The following DPPA4 variants were observed in gnomAD, a reference collection of about 807,000 sequenced individuals.
The protein encoded by DPPA4 is developmental pluripotency-associated protein 4.
A neutral mutation model predicts 33.7 loss-of-function variants in DPPA4; 22 were observed. That is an observed-to-expected ratio of 0.65 (90% CI 0.47 to 0.93). DPPA4 has a LOEUF of 0.93. DPPA4 is among the 40% of genes least tolerant of loss of function. The pLI, the probability that DPPA4 is intolerant of heterozygous loss-of-function variation, is 0.00. For synonymous variants in DPPA4, 156 were observed against 132.3 expected, an observed-to-expected ratio of 1.18 and a Z score of -1.23; for missense variants, 340 against 358.6, an observed-to-expected ratio of 0.95 and a Z score of 0.42.
At chr3:109,334,030 T>C in intron 1 of DPPA4, 37 bp from the exon 2 acceptor site, 1 of 1,610,926 alleles carries the variant, frequency 6.2e-7, no homozygotes. Flanking sequence ...ATTCCTCTAG[T>C]GTCCAAACCA....
rs199540692 is a variant in DPPA4 at position 109,330,564 on chromosome 3, C to T, written c.639G>A (p.Ala213=). 6 of 1,614,000 alleles carry T rather than the reference C, an allele frequency of 3.7e-6. No individual in the cohort carries two copies. In the East Asian group the frequency reaches 6.7e-5, roughly 18 times the overall value. The change falls in exon 5 of 7, where the codon GCG becomes GCA. Residue 213 remains alanine, a synonymous_variant. Transcript: ENST00000335658. ...LASWARISAR[A]RTPEAVESPQ... Reference sequence around the variant, plus strand: ...GAGATTCCACTGCCTCTGGTGTCCTCGCCCTGGCTGAAATTCTCGCCCAGG... The same window carrying T: ...GAGATTCCACTGCCTCTGGTGTCCTTGCCCTGGCTGAAATTCTCGCCCAGG...
chr3:109,333,724 G>C, intron 2 of DPPA4, 146 bp downstream of exon 2: 1 of 897,956 alleles, frequency 1.1e-6, no homozygotes, highest in Admixed American at 2.3e-5. Flanking sequence ...CTTCAGGAAG[G>C]TAACAGTTTA....
At chr3:109,338,930 G>A (rs1182011352), upstream of DPPA4, among the ~76,000 whole-genome samples, 2 of 152,054 alleles carry the variant, frequency 1.3e-5, no homozygotes, top group Admixed American at 6.6e-5. Flanking sequence ...GGTGGCTCAC[G>A]CCTGTAATCT....
Position 109,330,662 on chromosome 3 carries a change from T to G in DPPA4, c.541A>C (p.Asn181His), listed in dbSNP as rs759666609. Residue 181 changes from asparagine to histidine, a missense_variant, in exon 5 of 7, where the codon AAT becomes CAT. Physicochemically the swap from Asn to His is moderately conservative, Grantham distance 68 (BLOSUM62 1). Around this residue, in one of 3 missense-constraint regions of DPPA4, gnomAD observed 212 missense variants for 206.5 expected, o/e 1.03. Transcript: ENST00000335658. ...ACTCCCTCAAGGAGAGCAGTGGAAT[T>G]TTCCAGGGCAGGCGGCTCCCCCACA... ...PPVGEPPALE[N>H]STALLEGVNT... 7.4e-6 allele frequency: 12 copies of G among 1,614,100 alleles called. No individual in the cohort carries two copies. The highest frequency in any genetic ancestry group is 1.0e-5 in the Non-Finnish European group (12 of 1,180,018).
chr3:109,331,931 C>T lies in DPPA4; in HGVS notation c.279G>A (p.Leu93=). The change falls in exon 3 of 7, where the codon CTG becomes CTA. Residue 93 remains leucine (L), a synonymous_variant. Transcript: ENST00000335658. ...PLPSKLPPVN[L]IHRDILRAWC... ...AGGCCCGCAGAATGTCCCGGTGAATCAGATTAACAGGTGGCAGTTTAGAAG... is the reference window on the plus strand; with the variant it reads ...AGGCCCGCAGAATGTCCCGGTGAATTAGATTAACAGGTGGCAGTTTAGAAG... 6.2e-7 allele frequency: 1 copy of T among 1,614,098 alleles called. No homozygotes were observed. The highest frequency in any genetic ancestry group is 8.5e-7 in the Non-Finnish European group (1 of 1,180,024).
intron 3 of DPPA4, 25 bp from the exon 4 acceptor site, chr3:109,331,809 G>T (rs1157099912): frequency 6.2e-7 from 1 of 1,613,648 alleles, no homozygotes; most frequent in Non-Finnish European, 8.5e-7. Context: ...AACTGAGTTA[G>T]TAAGGCAAAT....
chr3:109,329,139 C>CTGATG, intron 5 of DPPA4, 51 bp from the exon 6 acceptor site: 1 of 1,544,422 alleles, frequency 6.5e-7, no homozygotes, highest in Non-Finnish European at 8.9e-7. Context: ...GGATGACATA[C>CTGATG]TGATGTAAGA....
In DPPA4 at chr3:109,329,081, C is replaced by T. The variant is rs1163439; in HGVS notation, c.687G>A (p.Arg229=). ...GACTTTTCCCATGGACCACACACCA[C>T]CTGACACCTGGCAATGGCAAAGGAA... The part of the protein sequence containing the change: ...VESPQEASGV[R]WCVVHGKSLP... Residue 229 remains arginine (R), a synonymous_variant, in exon 6 of 7, where the codon AGG becomes AGA. Transcript: ENST00000335658. The T allele has an allele frequency of 0.072, 115,606 of 1,613,426 alleles. 6,617 individuals are homozygous for T. Among genetic ancestry groups the T allele is most frequent in the African/African-American group, 0.2 (14,986 of 74,834 alleles).
chr3:109,339,517 A>C (rs952112809), upstream of DPPA4, among the ~76,000 whole-genome samples: 1 of 151,984 alleles, frequency 6.6e-6, no homozygotes, highest in African/African-American at 2.4e-5. Context: ...TAATCCCAGC[A>C]CTTTGGGAGG....
intron 1 of DPPA4, among the ~76,000 whole-genome samples, chr3:109,337,112 C>T (rs1273665660): frequency 6.6e-6 from 1 of 151,806 alleles, no homozygotes; most frequent in African/African-American, 2.4e-5. Context: ...TTTGGTCAGG[C>T]TGGTCTCGAA....
At chr3:109,338,021 C>G (rs1005017231), upstream of DPPA4, among the ~76,000 whole-genome samples, 3 of 152,200 alleles carry the variant, frequency 2.0e-5, no homozygotes, top group Non-Finnish European at 4.4e-5. Context: ...TTTCTCTGTA[C>G]TAATACCGAG....
chr3:109,330,422 C>T (rs746593853), intron 5 of DPPA4, 102 bp downstream of exon 5: 10 of 1,334,646 alleles, frequency 7.5e-6, no homozygotes, highest in African/African-American at 1.4e-5. Context: ...GAATCACCGG[C>T]CCTCAAAGGG....
intron 4 of DPPA4, among the ~76,000 whole-genome samples, 170 bp downstream of exon 4, chr3:109,331,564 A>AGAAAG (rs1553697018): frequency 1.9e-5 from 2 of 106,104 alleles, no homozygotes; most frequent in African/African-American, 6.3e-5. Flanking sequence ...AAAAAAAAAA[A>AGAAAG]AAAGAAAGAA....
intron 5 of DPPA4, chr3:109,330,239 T>G (rs1576834738): frequency 2.9e-5 from 10 of 350,150 alleles, no homozygotes; most frequent in Non-Finnish European, 2.6e-5. Flanking sequence ...GAGGTGGAGG[T>G]TGCGGTGAGC....
At chr3:109,337,200 T>C (rs1304304956) in intron 1 of DPPA4, among the ~76,000 whole-genome samples, 3 of 147,340 alleles carry the variant, frequency 2.0e-5, no homozygotes, top group Non-Finnish European at 4.5e-5. Flanking sequence ...GCGCCCGGCC[T>C]CTTTTTTTTT....
At chr3:109,330,049 C>G in intron 5 of DPPA4, 1 of 193,722 alleles carries the variant, frequency 5.2e-6, no homozygotes, top group South Asian at 9.3e-5. Context: ...CGCCTGTAAT[C>G]CCAGCACTTT....
At chr3:109,334,225 A>G (rs1459979049) in intron 1 of DPPA4, among the ~76,000 whole-genome samples, 1 of 152,214 alleles carries the variant, frequency 6.6e-6, no homozygotes, top group Admixed American at 6.5e-5. Flanking sequence ...AGACAGATAC[A>G]AACAAGAGTA....
chr3:109,329,087 A>T lies in DPPA4; in HGVS notation c.681T>A (p.Gly227=). The T allele has an allele frequency of 6.2e-7, 1 of 1,613,940 alleles. No homozygotes were observed. The highest frequency in any genetic ancestry group is 8.5e-7 in the Non-Finnish European group (1 of 1,179,960). ...EAVESPQEAS[G]VRWCVVHGKS... ...TCCCATGGACCACACACCACCTGAC[A>T]CCTGGCAATGGCAAAGGAAAGAGAC... is the stretch of plus-strand genomic sequence containing the variant. Residue 227 remains glycine, a splice_region_variant and synonymous_variant, in exon 6 of 7, where the codon GGT becomes GGA. Transcript: ENST00000335658.
chr3:109,329,321 G>C (rs1427985358), intron 5 of DPPA4: 24 of 471,970 alleles, frequency 5.1e-5, no homozygotes, highest in Non-Finnish European at 8.8e-5. Context: ...GGATCACGAG[G>C]TCAGGAGATC....
Sources: allele counts gnomAD v4.1 joint callset (sites outside exome capture counted in the v4.1 genomes callset), GRCh38; gene constraint gnomAD v4.1.1; regional missense constraint gnomAD v4.1.1; transcripts MANE v1.5; gene names NCBI Gene and HGNC (gene_info 2026-07-23, HGNC 2026-07-21).